Variants in CFAP47 observed in about 807,000 individuals in gnomAD.
CFAP47 encodes the protein cilia- and flagella-associated protein 47.
In CFAP47, 29 loss-of-function variants were observed where a neutral mutation model predicts 148.1. The observed-to-expected ratio is 0.20, with a 90% CI of 0.15 to 0.27. CFAP47 has a LOEUF of 0.27. Among genes scored for constraint, CFAP47 ranks in the 10% least tolerant of loss-of-function variants. The pLI, the probability that CFAP47 is intolerant of heterozygous loss-of-function variation, is 1.00. For synonymous variants in CFAP47, 664 were observed against 577.3 expected (o/e 1.15, Z -2.15); for missense variants, 1,872 against 1,697.5 (o/e 1.10, Z -1.81).
intron 39 of CFAP47, among the ~76,000 whole-genome samples, chrX:36,172,477 A>G (rs1244112414): frequency 9.2e-6 from 1 of 108,554 alleles, no homozygotes; most frequent in African/African-American, 3.4e-5. Flanking sequence ...CGTCCCATCA[A>G]TACCTAATTT....
rs144177347 is a variant in CFAP47, at chrX:36,051,365, A to G, written c.4217+4302A>G. ...GCCAGAAGGGGGGCTGTAACCTGCAATGCCACAGGGGTGGAGCTGCTCAAG... is the reference window on the plus strand; with the variant it reads ...GCCAGAAGGGGGGCTGTAACCTGCAGTGCCACAGGGGTGGAGCTGCTCAAG... On this transcript the variant is annotated intron_variant, in intron 26 of 63. Transcript: ENST00000378653. 8.9e-5 allele frequency among the ~76,000 whole-genome samples: 10 copies of G among 112,096 alleles called. No individual in the cohort carries two copies. The East Asian group carries it at 2.8e-3, about 32-fold the overall frequency.
chrX:36,144,503 G>A lies in CFAP47; in HGVS notation c.5536-716G>A, dbSNP rs1939197556. On this transcript the variant is annotated intron_variant, in intron 35 of 63. Coordinates refer to ENST00000378653, the MANE Select transcript of CFAP47 (RefSeq NM_001304548.2). Reference sequence around the variant, plus strand: ...TTATCTTATTTGATGGTTAATATTAGGTGTCAACTTGACTGGATTGAAGGA... The same window carrying A: ...TTATCTTATTTGATGGTTAATATTAAGTGTCAACTTGACTGGATTGAAGGA... 6 of 957,878 alleles carry A rather than the reference G, an allele frequency of 6.3e-6. No homozygotes were observed. In the South Asian group the frequency reaches 1.4e-4, roughly 22 times the overall value. The allele number at this position is 957,878 out of a possible 1,213,427, so 78.9% of individuals were successfully genotyped here.
At chrX:36,261,141 T>A (rs1355131469) in intron 49 of CFAP47, among the ~76,000 whole-genome samples, 1 of 104,645 alleles carries the variant, frequency 9.6e-6, no homozygotes, top group East Asian at 2.9e-4. Flanking sequence ...TTTTTTTTTT[T>A]CCTTTTGCAA....
intron 29 of CFAP47, among the ~76,000 whole-genome samples, chrX:36,080,377 C>T (rs1937952405): frequency 9.0e-6 from 1 of 111,511 alleles, no homozygotes; most frequent in African/African-American, 3.3e-5. Flanking sequence ...TGTGGCAATT[C>T]CTCAAGGATC....
chrX:36,224,335 GAAA>G (rs1459102618), intron 45 of CFAP47, among the ~76,000 whole-genome samples: 1 of 110,980 alleles, frequency 9.0e-6, no homozygotes, highest in Non-Finnish European at 1.9e-5. Flanking sequence ...AACCAAAACT[GAAA>G]AAAAGTGTTT....
intron 1 of CFAP47, 138 bp downstream of exon 1, chrX:35,920,186 G>A: frequency 3.0e-6 from 2 of 668,956 alleles, no homozygotes; most frequent in East Asian, 7.2e-5. Flanking sequence ...AACAGTGACA[G>A]GTTTCTGTGT....
At chrX:36,190,719 G>A (rs1939856584) in intron 42 of CFAP47, among the ~76,000 whole-genome samples, 1 of 111,093 alleles carries the variant, frequency 9.0e-6, no homozygotes, top group Non-Finnish European at 1.9e-5. Context: ...TTCAAAACTA[G>A]CAAGGGAGAG....
intron 60 of CFAP47, among the ~76,000 whole-genome samples, chrX:36,354,401 A>T (rs908589171): frequency 8.5e-5 from 9 of 106,229 alleles, no homozygotes; most frequent in Non-Finnish European, 1.7e-4. Context: ...GAATCACTTG[A>T]ACCTGGGAGG....
Position 35,973,624 on chromosome X carries a change from T to C in CFAP47, c.2255-1523T>C, listed in dbSNP as rs528908173. 2.4e-4 allele frequency among the ~76,000 whole-genome samples: 27 copies of C among 112,114 alleles called. No homozygotes were observed. The South Asian group carries it at 8.6e-3, about 36-fold the overall frequency. ...TTAGTTCTCTCTGGAATTGTGTTTG[T>C]GTGCTTCAAGAACACCATGTGTGCT... On this transcript the variant is annotated intron_variant, in intron 13 of 63. Coordinates refer to ENST00000378653, the MANE Select transcript of CFAP47 (RefSeq NM_001304548.2).
Position 36,371,974 on chromosome X carries a change from ATG to A in CFAP47, c.9185+4855_9185+4856del, listed in dbSNP as rs782809441. Among the ~76,000 whole-genome samples the A allele has an allele frequency of 7.7e-4, 71 of 91,643 alleles. 4 individuals carry two copies. Among genetic ancestry groups the A allele is most frequent in the South Asian group, 5.4e-3 (11 of 2,020 alleles). The allele number at this position is 91,643 out of a possible 115,157, so 79.6% of individuals were successfully genotyped here. A position where few individuals can be genotyped will look rare whatever the true frequency, so the allele number is the denominator to read the frequency against. On this transcript the variant is annotated intron_variant, in intron 62 of 63. Transcript: ENST00000378653. The stretch of plus-strand genomic sequence containing the variant: ...TGTGTATATATACACACATGTGTAT[ATG>A]TGTGTGTATATATGTATGTGTATAT...
At chrX:35,952,569 G>T (rs775343505) in intron 6 of CFAP47, among the ~76,000 whole-genome samples, 2 of 112,033 alleles carry the variant, frequency 1.8e-5, no homozygotes, top group Non-Finnish European at 3.8e-5. Context: ...TGTGTGAACT[G>T]ATTCAATTGC....
intron 53 of CFAP47, among the ~76,000 whole-genome samples, chrX:36,302,865 T>C (rs1941311134): frequency 8.9e-6 from 1 of 112,253 alleles, no homozygotes; most frequent in East Asian, 2.8e-4. Flanking sequence ...AAACAATAAG[T>C]AAACATTATT....
At chrX:36,064,193 A>G (rs1257805493) in intron 26 of CFAP47, among the ~76,000 whole-genome samples, 2 of 112,596 alleles carry the variant, frequency 1.8e-5, no homozygotes, top group Non-Finnish European at 3.8e-5. Flanking sequence ...ATTGATCACT[A>G]TGTTTAACAC....
intron 45 of CFAP47, among the ~76,000 whole-genome samples, chrX:36,213,964 C>T (rs1555989841): frequency 8.9e-6 from 1 of 111,839 alleles, no homozygotes; most frequent in Non-Finnish European, 1.9e-5. Flanking sequence ...GCCGTTGCCT[C>T]AGTATCCACA....
In CFAP47 at chrX:36,304,069, A is replaced by C. The variant is rs1941325223; in HGVS notation, c.8082+109A>C. 6 of 404,360 alleles carry C rather than the reference A, an allele frequency of 1.5e-5. No individual in the cohort carries two copies. The South Asian group carries it at 2.1e-4, about 14-fold the overall frequency. 33.3% of individuals were successfully genotyped at this position (404,360 alleles called of 1,213,427 possible). A position where few individuals can be genotyped will look rare whatever the true frequency, so the allele number is the denominator to read the frequency against. On this transcript the variant is annotated intron_variant, in intron 54 of 63. Coordinates refer to ENST00000378653, the MANE Select transcript of CFAP47 (RefSeq NM_001304548.2). ...CACTTGAATTATTACTAAGGATTTA[A>C]ATTTCTAAAATTTAAGAATTGAATT...
chrX:35,987,545 T>A (rs1197884731), intron 15 of CFAP47, among the ~76,000 whole-genome samples: 1 of 111,795 alleles, frequency 8.9e-6, no homozygotes, highest in African/African-American at 3.3e-5. Context: ...CTTGCTGGGC[T>A]CTGTGGGGGT....
At position 36,099,763 on chromosome X, in the gene CFAP47, A is replaced by G; in HGVS notation, c.5011A>G (p.Thr1671Ala). Residue 1671 changes from threonine to alanine, a missense_variant, in exon 32 of 64, where the codon ACG becomes GCG. Coordinates refer to ENST00000378653, the MANE Select transcript of CFAP47 (RefSeq NM_001304548.2). ...TTATTTCTTAAAGTCTTCCACTAAT[A>G]CGATGCCTGTGAGTTCCTGTACACC... ...RWIEIMSSTN[T>A]MPVSSCTPKK... 3 of 854,868 alleles carry G rather than the reference A, an allele frequency of 3.5e-6. No individual in the cohort carries two copies. In the Admixed American group the frequency reaches 7.0e-5, roughly 20 times the overall value. 70.5% of individuals were successfully genotyped at this position (854,868 alleles called of 1,213,427 possible).
At chrX:36,092,507 C>T (rs747486312) in intron 30 of CFAP47, among the ~76,000 whole-genome samples, 220 of 111,247 alleles carry the variant, frequency 2.0e-3, no homozygotes, top group African/African-American at 6.9e-3. Flanking sequence ...ATTGATGTAG[C>T]TGATTATAGG....
intron 27 of CFAP47, among the ~76,000 whole-genome samples, chrX:36,068,227 A>G (rs1033794438): frequency 1.8e-5 from 2 of 112,118 alleles, no homozygotes; most frequent in Non-Finnish European, 3.8e-5. Context: ...CTGCCTCTGC[A>G]TGCAAAAATT....
Sources: gnomAD v4.1 joint callset for allele counts (sites outside exome capture counted in the v4.1 genomes callset) on GRCh38, gnomAD v4.1.1 for gene constraint, MANE v1.5 for transcripts, NCBI Gene and HGNC (gene_info 2026-07-23, HGNC 2026-07-21) for gene names.